The following MEIS2 variants were observed in gnomAD, a reference collection of about 807,000 sequenced individuals.
The protein encoded by MEIS2 is Meis homeobox 2.
A neutral mutation model predicts 58.6 loss-of-function variants in MEIS2; 9 were observed. The observed-to-expected ratio is 0.15, with a 90% CI of 0.09 to 0.27. The LOEUF (loss-of-function observed/expected upper bound fraction) is 0.27. Among genes scored for constraint, MEIS2 ranks in the 10% least tolerant of loss-of-function variants. The pLI is 1.00. For synonymous variants in MEIS2, 221 were observed against 228.4 expected (o/e 0.97, Z 0.29); for missense variants, 427 against 635.0 (o/e 0.67, Z 3.52).
At chr15:37,036,270 C>A (rs2062148112) in intron 8 of MEIS2, 1 of 152,070 alleles carries the variant, frequency 6.6e-6, no homozygotes, top group Admixed American at 6.6e-5. Flanking sequence ...CAAACAAAGG[C>A]ATTACAGCAC....
chr15:36,914,553 T>A (rs538841402), intron 9 of MEIS2, among the ~76,000 whole-genome samples: 3 of 152,118 alleles, frequency 2.0e-5, no homozygotes, highest in Admixed American at 6.5e-5. Context: ...AAAACTGATG[T>A]GAAGGTTAGT....
At chr15:36,960,291 G>A (rs894979492) in intron 8 of MEIS2, among the ~76,000 whole-genome samples, 3 of 151,842 alleles carry the variant, frequency 2.0e-5, no homozygotes, top group Admixed American at 1.3e-4. Flanking sequence ...AGTAAGCAAT[G>A]GAAATGTGGA....
intron 8 of MEIS2, among the ~76,000 whole-genome samples, chr15:37,006,313 G>A (rs2060921575): frequency 6.6e-6 from 1 of 152,206 alleles, no homozygotes; most frequent in Admixed American, 6.5e-5. Context: ...TGGCCTGGCA[G>A]TATCTCTTTC....
At chr15:36,986,332 C>G (rs557258310) in intron 8 of MEIS2, among the ~76,000 whole-genome samples, 9 of 152,316 alleles carry the variant, frequency 5.9e-5, no homozygotes, top group Non-Finnish European at 1.0e-4. Flanking sequence ...AACTGGGATA[C>G]TACAAACTGC....
chr15:36,949,786 C>T (rs1008282400), intron 9 of MEIS2, among the ~76,000 whole-genome samples: 8 of 152,154 alleles, frequency 5.3e-5, no homozygotes, highest in Admixed American at 4.6e-4. Context: ...ATGGTCCATA[C>T]ACCAGCACGG....
intron 7 of MEIS2, among the ~76,000 whole-genome samples, chr15:37,071,974 C>T (rs931034051): frequency 9.9e-5 from 15 of 152,050 alleles, no homozygotes; most frequent in East Asian, 1.9e-4. Flanking sequence ...AAAACTACCT[C>T]GACTATGGTG....
At chr15:37,060,069 A>C (rs977510741) in intron 7 of MEIS2, among the ~76,000 whole-genome samples, 12 of 152,252 alleles carry the variant, frequency 7.9e-5, no homozygotes, top group South Asian at 2.1e-4. Context: ...CTCTCAAGTA[A>C]CTAGGGCTAC....
chr15:37,082,808 G>T (rs939504260), intron 7 of MEIS2, among the ~76,000 whole-genome samples: 2 of 152,012 alleles, frequency 1.3e-5, no homozygotes, highest in African/African-American at 4.8e-5. Flanking sequence ...AAGCTTGGAG[G>T]ACAAAAGGCA....
At chr15:36,995,706 T>TA (rs71821151) in intron 8 of MEIS2, among the ~76,000 whole-genome samples, 266 of 4,102 alleles carry the variant, frequency 0.065, 80 homozygotes, top group African/African-American at 0.24. Flanking sequence ...TTACAGCTAC[T>TA]AAAAAAAAAA....
chr15:37,005,623 C>T (rs557596052), intron 8 of MEIS2, among the ~76,000 whole-genome samples: 6 of 152,140 alleles, frequency 3.9e-5, no homozygotes, highest in East Asian at 1.9e-4. Context: ...AGTGCAGTAG[C>T]GTGATCTCTG....
chr15:36,994,061 T>C (rs1439971811), intron 8 of MEIS2, among the ~76,000 whole-genome samples: 3 of 152,072 alleles, frequency 2.0e-5, no homozygotes, highest in African/African-American at 7.2e-5. Context: ...CTATTCATGA[T>C]GTGTGTGTGG....
chr15:37,017,677 T>C (rs2141660809), intron 8 of MEIS2, among the ~76,000 whole-genome samples: 1 of 152,116 alleles, frequency 6.6e-6, no homozygotes, highest in East Asian at 1.9e-4. Flanking sequence ...AAAATACCGC[T>C]AACTAAGAGA....
At position 37,053,328 on chromosome 15, in the gene MEIS2, A is replaced by G. The variant is rs534153266; in HGVS notation, c.755-16369T>C. The stretch of plus-strand genomic sequence containing the variant: ...GAATGCACTCTTGAGAAGATAACAA[A>G]TTAAAAACCGGCTGACTCGACACCA... On this transcript the variant is annotated intron_variant, in intron 7 of 11. Transcript: ENST00000561208. 2.0e-5 allele frequency among the ~76,000 whole-genome samples: 3 copies of G among 152,290 alleles called. No homozygotes were observed. In the East Asian group the frequency reaches 5.8e-4, roughly 29 times the overall value.
intron 8 of MEIS2, among the ~76,000 whole-genome samples, chr15:36,995,763 AAAG>A (rs1169606564): frequency 8.6e-5 from 11 of 128,496 alleles, no homozygotes; most frequent in Middle Eastern, 4.1e-3. Context: ...AGAAAGAAAG[AAAG>A]AAAAAAAACC....
chr15:37,001,609 C>T (rs1289100354), intron 8 of MEIS2, among the ~76,000 whole-genome samples: 1 of 152,190 alleles, frequency 6.6e-6, no homozygotes, highest in Non-Finnish European at 1.5e-5. Context: ...TATCTCCTCA[C>T]TTCCATTTCC....
intron 9 of MEIS2, among the ~76,000 whole-genome samples, chr15:36,901,808 C>T (rs2056487837): frequency 6.6e-6 from 1 of 152,066 alleles, no homozygotes; most frequent in Non-Finnish European, 1.5e-5. Context: ...TAAGTGATGG[C>T]CTTCTACTGT....
At chr15:36,957,621 A>G (rs1237930340) in intron 8 of MEIS2, among the ~76,000 whole-genome samples, 3 of 152,082 alleles carry the variant, frequency 2.0e-5, no homozygotes, top group African/African-American at 7.2e-5. Context: ...TTCACTTCAT[A>G]TTGTCTTTTA....
At position 36,892,309 on chromosome 15, in the gene MEIS2, G is replaced by C. The variant is rs1283242514; in HGVS notation, c.1298C>G (p.Pro433Arg). The C allele has an allele frequency of 1.2e-6, 2 of 1,613,800 alleles. No individual in the cohort carries two copies. Among genetic ancestry groups the C allele is most frequent in the Non-Finnish European group, 1.7e-6 (2 of 1,179,920 alleles). The change falls in exon 12 of 12, where the codon CCC becomes CGC. Residue 433 changes from proline (P) to arginine (R), a missense_variant. Transcript: ENST00000561208. ...PPMHSYLPSH[P>R]HHPAMMMHGG... ...GTGCATCATCATGGCTGGGTGGTGG[G>C]GATGGCTTGGCAAATATGAATGCAT...
At chr15:37,092,064 T>C (rs1893590184) in intron 6 of MEIS2, among the ~76,000 whole-genome samples, 1 of 152,218 alleles carries the variant, frequency 6.6e-6, no homozygotes, top group Admixed American at 6.5e-5. Context: ...TGCTGCATCC[T>C]TTTGATTTCA....
Sources: allele counts gnomAD v4.1 joint callset (sites outside exome capture counted in the v4.1 genomes callset), GRCh38; gene constraint gnomAD v4.1.1; transcripts MANE v1.5; gene names NCBI Gene and HGNC (gene_info 2026-07-23, HGNC 2026-07-21).